Variants in NEK11 observed in about 807,000 individuals in gnomAD.
The protein encoded by NEK11 is NIMA related kinase 11.
Under a neutral mutation model 80.7 loss-of-function variants are expected in NEK11, and 72 were observed. That is an observed-to-expected ratio of 0.89 (90% confidence interval 0.74 to 1.08). NEK11 has a LOEUF of 1.08. NEK11 is among the 50% of genes least tolerant of loss of function. NEK11 has a pLI of 0.00. For missense variants in NEK11, 764 were observed against 763.6 expected, an observed-to-expected ratio of 1.00 and a Z score of -0.01; for synonymous variants, 251 against 260.7, an observed-to-expected ratio of 0.96 and a Z score of 0.36.
chr3:131,187,297 C>A (rs956543860), intron 14 of NEK11, among the ~76,000 whole-genome samples: 3 of 152,132 alleles, frequency 2.0e-5, no homozygotes, highest in Non-Finnish European at 4.4e-5. Context: ...ATTGCATCAT[C>A]GAAGAAAGTC....
At chr3:131,122,344 A>G (rs1027674209) in intron 5 of NEK11, among the ~76,000 whole-genome samples, 1 of 152,174 alleles carries the variant, frequency 6.6e-6, no homozygotes, top group Admixed American at 6.5e-5. Context: ...TCCTGCAGTC[A>G]CTTTTTCAAG....
chr3:131,136,702 G>T (rs2085652080), intron 7 of NEK11, among the ~76,000 whole-genome samples: 1 of 152,102 alleles, frequency 6.6e-6, no homozygotes, highest in Non-Finnish European at 1.5e-5. Context: ...AGTGGGTTAG[G>T]TTCCAAAAGT....
intron 16 of NEK11, among the ~76,000 whole-genome samples, chr3:131,251,165 T>G (rs1304865710): frequency 1.4e-5 from 2 of 138,628 alleles, no homozygotes; most frequent in African/African-American, 2.8e-5. Context: ...AAAATAGTTG[T>G]ATAAACATGT....
chr3:131,094,009 A>T (rs1560366959), intron 4 of NEK11, among the ~76,000 whole-genome samples: 1 of 148,574 alleles, frequency 6.7e-6, no homozygotes, highest in Non-Finnish European at 1.5e-5. Context: ...TTGCTTCTGG[A>T]GAAAAGCTTC....
At chr3:131,100,170 T>C (rs186387174) in intron 4 of NEK11, among the ~76,000 whole-genome samples, 1 of 152,322 alleles carries the variant, frequency 6.6e-6, no homozygotes, top group East Asian at 1.9e-4. Context: ...ATCATGGATG[T>C]TGGATTTTCT....
At chr3:131,209,978 G>T (rs2718866) in intron 14 of NEK11, among the ~76,000 whole-genome samples, 123,850 of 152,164 alleles carry the variant, frequency 0.81, 50,538 homozygotes, top group East Asian at 0.97. Flanking sequence ...TGTGTCTCTA[G>T]CTCCTTCAGA....
At chr3:131,115,917 T>TCTTC (rs2080984969) in intron 5 of NEK11, among the ~76,000 whole-genome samples, 1 of 84,510 alleles carries the variant, frequency 1.2e-5, no homozygotes, top group Non-Finnish European at 2.5e-5. Context: ...TTTCTTTCTT[T>TCTTC]CTTTCTTTCT....
intron 16 of NEK11, among the ~76,000 whole-genome samples, chr3:131,262,558 T>C (rs1279180146): frequency 6.6e-6 from 1 of 152,144 alleles, no homozygotes; most frequent in Non-Finnish European, 1.5e-5. Flanking sequence ...TGTAGTACAA[T>C]GTTATATAAA....
At chr3:131,219,565 A>AT (rs1469141842) in intron 14 of NEK11, among the ~76,000 whole-genome samples, 2 of 151,686 alleles carry the variant, frequency 1.3e-5, no homozygotes, top group Non-Finnish European at 2.9e-5. Flanking sequence ...ACAAAAAAAA[A>AT]AAAGAGGAAT....
intron 17 of NEK11, among the ~76,000 whole-genome samples, chr3:131,279,774 A>G (rs2096366133): frequency 6.6e-6 from 1 of 152,234 alleles, no homozygotes; most frequent in Non-Finnish European, 1.5e-5. Flanking sequence ...GTCATATGCT[A>G]GAGCCTTGCA....
At chr3:131,255,090 A>C (rs1411423636) in intron 16 of NEK11, among the ~76,000 whole-genome samples, 5 of 128,738 alleles carry the variant, frequency 3.9e-5, no homozygotes, top group South Asian at 4.8e-4. Flanking sequence ...GAAAGAAAGA[A>C]AGAAAGAAAG....
At chr3:131,287,423 G>A (rs1034094809) in intron 17 of NEK11, among the ~76,000 whole-genome samples, 29 of 152,118 alleles carry the variant, frequency 1.9e-4, no homozygotes, top group African/African-American at 6.0e-4. Context: ...ACAGGCATGC[G>A]CCACCACGCC....
At chr3:131,039,635 A>G (rs966385291) in intron 3 of NEK11, among the ~76,000 whole-genome samples, 30 of 152,342 alleles carry the variant, frequency 2.0e-4, no homozygotes, top group African/African-American at 6.7e-4. Flanking sequence ...GCCAGCACCC[A>G]ACTTTATACC....
intron 17 of NEK11, among the ~76,000 whole-genome samples, chr3:131,276,263 TAGG>T (rs2096288590): frequency 6.6e-6 from 1 of 152,136 alleles, no homozygotes. Context: ...GATTAATGTG[TAGG>T]AGGAGGTTTG....
intron 5 of NEK11, among the ~76,000 whole-genome samples, chr3:131,114,451 G>A (rs920537696): frequency 2.6e-5 from 4 of 152,138 alleles, no homozygotes; most frequent in Admixed American, 2.0e-4. Context: ...GACAGATATG[G>A]GTCATCTGCA....
At chr3:131,074,558 A>C (rs1260699177) in intron 3 of NEK11, among the ~76,000 whole-genome samples, 1 of 152,176 alleles carries the variant, frequency 6.6e-6, no homozygotes, top group African/African-American at 2.4e-5. Context: ...CATTTTTTAA[A>C]AGAGTCATAT....
intron 7 of NEK11, among the ~76,000 whole-genome samples, chr3:131,147,304 C>T (rs888187402): frequency 1.9e-4 from 29 of 152,040 alleles, no homozygotes; most frequent in African/African-American, 6.3e-4. Context: ...ATTGGCCCAG[C>T]ATAATTTGTT....
At chr3:131,290,106 A>T (rs1357311799) in intron 17 of NEK11, among the ~76,000 whole-genome samples, 3 of 152,180 alleles carry the variant, frequency 2.0e-5, no homozygotes, top group Non-Finnish European at 4.4e-5. Context: ...TAATTATGAG[A>T]CACTGAAATG....
intron 14 of NEK11, among the ~76,000 whole-genome samples, chr3:131,189,476 A>C (rs2093714197): frequency 6.6e-6 from 1 of 152,216 alleles, no homozygotes; most frequent in South Asian, 2.1e-4. Flanking sequence ...TTCTCACTGC[A>C]TCTTTTATAA....
Sources: allele counts gnomAD v4.1 joint callset (sites outside exome capture counted in the v4.1 genomes callset), GRCh38; gene constraint gnomAD v4.1.1; transcripts MANE v1.5; gene names NCBI Gene and HGNC (gene_info 2026-07-23, HGNC 2026-07-21).